LRCH3: variants seen among roughly 807,000 people sequenced by gnomAD.
LRCH3 encodes DISP complex protein LRCH3.
A neutral mutation model predicts 104.5 loss-of-function variants in LRCH3; 68 were observed. That is an observed-to-expected ratio of 0.65 (90% CI 0.54 to 0.80). The LOEUF (loss-of-function observed/expected upper bound fraction) is 0.80, where lower values mean the gene tolerates loss of function less well. LRCH3 is among the 30% of genes least tolerant of loss of function. The pLI, the probability that LRCH3 is intolerant of heterozygous loss-of-function variation, is 0.00. For synonymous variants in LRCH3, 344 were observed against 361.3 expected (o/e 0.95, Z 0.54); for missense variants, 951 against 953.9 (o/e 1.00, Z 0.04).
chr3:197,799,452 TTTC>T (rs1731627849), intron 1 of LRCH3, among the ~76,000 whole-genome samples: 1 of 152,266 alleles, frequency 6.6e-6, no homozygotes, highest in South Asian at 2.1e-4. Context: ...CACTTTTAAC[TTTC>T]TTCTTTGCTC....
chr3:197,822,400 ATTT>A (rs1414524739), intron 4 of LRCH3, among the ~76,000 whole-genome samples: 2 of 152,238 alleles, frequency 1.3e-5, no homozygotes, highest in African/African-American at 4.8e-5. Context: ...CTATAATAAT[ATTT>A]AGTGTGAAAT....
intron 10 of LRCH3, among the ~76,000 whole-genome samples, chr3:197,840,257 G>A (rs1737598990): frequency 6.6e-6 from 1 of 152,128 alleles, no homozygotes; most frequent in South Asian, 2.1e-4. Context: ...GGCCAACGTG[G>A]TGAAACGCCG....
At chr3:197,816,908 T>C (rs114716183) in intron 2 of LRCH3, among the ~76,000 whole-genome samples, 1,649 of 152,256 alleles carry the variant, frequency 0.011, 26 homozygotes, top group African/African-American at 0.038. Flanking sequence ...AGGAGTTATA[T>C]TCTGCAAGAG....
chr3:197,804,729 G>C (rs1050991482), intron 1 of LRCH3, among the ~76,000 whole-genome samples: 26 of 152,096 alleles, frequency 1.7e-4, no homozygotes, highest in Non-Finnish European at 4.4e-5. Flanking sequence ...ACATTATCGT[G>C]GTCCAATCAA....
intron 9 of LRCH3, among the ~76,000 whole-genome samples, chr3:197,838,363 T>C (rs911017638): frequency 6.6e-6 from 1 of 152,244 alleles, no homozygotes. Context: ...GTCCAGACTT[T>C]AAGACAGTCA....
rs747863331 is a variant in LRCH3, at chr3:197,865,481, A to C, written c.1765+10A>C. On this transcript the variant is annotated intron_variant, in intron 16 of 20. Coordinates refer to ENST00000425562, the MANE Select transcript of LRCH3 (RefSeq NM_001365715.1). ...CCTGCAACAGAAACAGGTAATAGACACAAAGGTGCAATTAACCACATCAAG... is the reference window on the plus strand; with the variant it reads ...CCTGCAACAGAAACAGGTAATAGACCCAAAGGTGCAATTAACCACATCAAG... 1.7e-5 allele frequency: 25 copies of C among 1,498,538 alleles called. No homozygotes were observed. Among genetic ancestry groups the C allele is most frequent in the Non-Finnish European group, 2.2e-5 (24 of 1,112,954 alleles). 92.8% of individuals were successfully genotyped at this position (1,498,538 alleles called of 1,614,324 possible). A position where few individuals can be genotyped will look rare whatever the true frequency, so the allele number is the denominator to read the frequency against.
chr3:197,800,516 A>G (rs1178204998), intron 1 of LRCH3, among the ~76,000 whole-genome samples: 1 of 152,188 alleles, frequency 6.6e-6, no homozygotes, highest in East Asian at 1.9e-4. Context: ...CAAGTACTGG[A>G]AAGAACGTGG....
chr3:197,867,208 C>T (rs560197530), intron 17 of LRCH3, among the ~76,000 whole-genome samples: 14 of 152,050 alleles, frequency 9.2e-5, no homozygotes, highest in African/African-American at 2.9e-4. Flanking sequence ...ACTTGGGAGG[C>T]AGAAGTTGCA....
chr3:197,808,376 A>G (rs1365678436), intron 1 of LRCH3, among the ~76,000 whole-genome samples: 1 of 152,136 alleles, frequency 6.6e-6, no homozygotes, highest in Non-Finnish European at 1.5e-5. Context: ...GTGGTATTTT[A>G]TTGTGGCAGC....
At position 197,847,453 on chromosome 3, in the gene LRCH3, A is replaced by G. The variant is rs1466871029; in HGVS notation, c.1373A>G (p.His458Arg). ...PSSLLSLSAS[H>R]NQLSHTDLEL... ...TCCCTCCTGTCACTATCAGCAAGTC[A>G]CAATCAGGTAATGTTTAGTAGTTGT... Residue 458 changes from histidine to arginine, a missense_variant, in exon 11 of 21, where the codon CAC (histidine) becomes CGC (arginine). His to Arg is a conservative substitution (Grantham distance 29). Transcript: ENST00000425562. 2 of 1,601,600 alleles carry G rather than the reference A, an allele frequency of 1.2e-6. No individual in the cohort carries two copies. Among genetic ancestry groups the G allele is most frequent in the Non-Finnish European group, 1.7e-6 (2 of 1,175,698 alleles).
intron 8 of LRCH3, among the ~76,000 whole-genome samples, chr3:197,834,935 G>A (rs1736502775): frequency 6.6e-6 from 1 of 152,088 alleles, no homozygotes; most frequent in African/African-American, 2.4e-5. Context: ...CTTGAGCCCA[G>A]GAGTTGGAGA....
At chr3:197,791,632 G>C (rs1730521289) in intron 1 of LRCH3, 92 bp downstream of exon 1, 3 of 1,388,226 alleles carry the variant, frequency 2.2e-6, no homozygotes, top group Non-Finnish European at 2.8e-6. Context: ...AGTTACAGCA[G>C]CTCGTCCCGT....
intron 3 of LRCH3, among the ~76,000 whole-genome samples, chr3:197,818,116 C>T (rs1023920434): frequency 6.6e-6 from 1 of 152,142 alleles, no homozygotes; most frequent in Non-Finnish European, 1.5e-5. Context: ...CCACCGCGCA[C>T]GGCCCTGTTG....
At chr3:197,791,246 G>C (rs530373919), upstream of LRCH3, 2 of 1,603,090 alleles carry the variant, frequency 1.2e-6, no homozygotes, top group South Asian at 1.1e-5. Context: ...CGCATGCGCT[G>C]AGCTGGCGGG....
At chr3:197,811,381 G>A (rs1733105074) in intron 1 of LRCH3, among the ~76,000 whole-genome samples, 1 of 151,898 alleles carries the variant, frequency 6.6e-6, no homozygotes, top group African/African-American at 2.4e-5. Flanking sequence ...ATTCTTTACA[G>A]TTTTACATTG....
At chr3:197,852,665 C>T (rs762686368) in intron 13 of LRCH3, 45 bp downstream of exon 13, 3 of 1,569,620 alleles carry the variant, frequency 1.9e-6, no homozygotes, top group Non-Finnish European at 2.6e-6. Flanking sequence ...ATTATTTTTG[C>T]AATGGAAATG....
intron 2 of LRCH3, among the ~76,000 whole-genome samples, chr3:197,816,421 C>T (rs1733806879): frequency 1.3e-5 from 2 of 152,096 alleles, no homozygotes; most frequent in Admixed American, 1.3e-4. Context: ...GCTGGGATTA[C>T]AGGCACATGC....
At position 197,830,793 on chromosome 3, in the gene LRCH3, G is replaced by GC. The variant is rs1735830344; in HGVS notation, c.914dup (p.Tyr306LeufsTer5). The GC allele has an allele frequency of 1.9e-6, 3 of 1,613,784 alleles. No homozygotes were observed. On this transcript the variant is annotated frameshift_variant, in exon 7 of 21. Coordinates refer to ENST00000425562, the MANE Select transcript of LRCH3 (RefSeq NM_001365715.1). LOFTEE classifies it high-confidence loss of function. ...AGCCATGAAGAACTGTACTCAAGTC[G>GC]CCCTTATGGAGCCCTTGATTCAGGC...
chr3:197,835,641 G>C, intron 8 of LRCH3, 33 bp from the exon 9 acceptor site: 1 of 1,567,218 alleles, frequency 6.4e-7, no homozygotes, highest in South Asian at 1.2e-5. Context: ...TCTGGTGTGT[G>C]TGTGTGTGTG....
Sources: allele counts gnomAD v4.1 joint callset (sites outside exome capture counted in the v4.1 genomes callset), GRCh38; gene constraint gnomAD v4.1.1; transcripts MANE v1.5; gene names NCBI Gene and HGNC (gene_info 2026-07-23, HGNC 2026-07-21).